RNF150: variants seen among roughly 807,000 people sequenced by gnomAD.
RNF150 encodes the protein ring finger protein 150.
A neutral mutation model predicts 39.3 loss-of-function variants in RNF150; 24 were observed. That is an observed-to-expected ratio of 0.61 (90% CI 0.44 to 0.86). RNF150 has a LOEUF of 0.86. Ranked by LOEUF, RNF150 falls within the 40% of genes least tolerant of loss-of-function variation. The probability of loss-of-function intolerance (pLI) is 0.00; values close to 1 mark genes in which losing one functional copy is unlikely to be tolerated. For synonymous variants in RNF150, 255 were observed against 227.3 expected (o/e 1.12, Z -1.10); for missense variants, 502 against 587.8 (o/e 0.85, Z 1.51).
intron 1 of RNF150, among the ~76,000 whole-genome samples, chr4:141,075,696 T>A (rs933230646): frequency 1.3e-5 from 2 of 152,222 alleles, no homozygotes. Context: ...TTTTTCCATT[T>A]AGTTTCTCAA....
intron 1 of RNF150, among the ~76,000 whole-genome samples, chr4:141,101,067 C>A (rs891282788): frequency 2.0e-5 from 3 of 152,130 alleles, no homozygotes; most frequent in Non-Finnish European, 2.9e-5. Context: ...TTTATAAACA[C>A]TATACACTAT....
At chr4:140,958,329 C>T (rs1015754380) in intron 2 of RNF150, among the ~76,000 whole-genome samples, 3 of 151,990 alleles carry the variant, frequency 2.0e-5, no homozygotes, top group Non-Finnish European at 4.4e-5. Context: ...CTTCTAAAGC[C>T]GGAAAGGGCC....
chr4:141,144,075 A>G (rs996413771), intron 1 of RNF150, among the ~76,000 whole-genome samples: 5 of 152,210 alleles, frequency 3.3e-5, no homozygotes, highest in African/African-American at 1.2e-4. Context: ...TTCAATGCTT[A>G]TCATGGTCTG....
intron 6 of RNF150, among the ~76,000 whole-genome samples, chr4:140,898,792 T>C (rs544779960): frequency 5.3e-5 from 8 of 152,324 alleles, no homozygotes; most frequent in African/African-American, 1.9e-4. Context: ...TAAATAACAG[T>C]GGCAGTACTA....
At chr4:141,011,036 C>A (rs1735056358) in intron 1 of RNF150, among the ~76,000 whole-genome samples, 1 of 151,920 alleles carries the variant, frequency 6.6e-6, no homozygotes. Context: ...TTTAAAAGTG[C>A]TGATTTATAT....
chr4:140,980,379 C>T (rs1242491708), intron 1 of RNF150, among the ~76,000 whole-genome samples: 1 of 151,966 alleles, frequency 6.6e-6, no homozygotes, highest in East Asian at 1.9e-4. Context: ...TGGCAAGAAC[C>T]TAGAATTACA....
At chr4:140,920,969 T>C (rs1486633957) in intron 5 of RNF150, among the ~76,000 whole-genome samples, 2 of 151,632 alleles carry the variant, frequency 1.3e-5, no homozygotes, top group East Asian at 3.9e-4. Context: ...TTCTCACTCA[T>C]AGGTGGGAAT....
upstream of RNF150, among the ~76,000 whole-genome samples, chr4:141,134,445 A>G (rs904689980): frequency 6.6e-6 from 1 of 152,220 alleles, no homozygotes; most frequent in Non-Finnish European, 1.5e-5. Flanking sequence ...CAGAGAACCC[A>G]GGACCCATTC....
chr4:140,898,637 CATGT>C (rs1413201984), intron 6 of RNF150, among the ~76,000 whole-genome samples: 1 of 152,198 alleles, frequency 6.6e-6, no homozygotes, highest in Non-Finnish European at 1.5e-5. Context: ...CATATGCATG[CATGT>C]ATGTGCTTGT....
intron 1 of RNF150, among the ~76,000 whole-genome samples, chr4:141,186,059 G>A (rs978163343): frequency 6.6e-6 from 1 of 152,186 alleles, no homozygotes; most frequent in Admixed American, 6.5e-5. Context: ...ATGAGTTAGG[G>A]AGGAATCCCT....
At chr4:140,956,578 G>A (rs1452655677) in intron 2 of RNF150, among the ~76,000 whole-genome samples, 4 of 152,124 alleles carry the variant, frequency 2.6e-5, no homozygotes, top group Non-Finnish European at 5.9e-5. Flanking sequence ...TTTCTGTATG[G>A]CAGATTCAAC....
intron 6 of RNF150, among the ~76,000 whole-genome samples, chr4:140,895,860 A>T (rs1226444125): frequency 6.6e-6 from 1 of 152,044 alleles, no homozygotes; most frequent in Admixed American, 6.6e-5. Flanking sequence ...TTTTTAAAGA[A>T]TTTTTTTTCT....
chr4:140,932,157 A>T (rs1731671484), intron 4 of RNF150, among the ~76,000 whole-genome samples: 1 of 152,020 alleles, frequency 6.6e-6, no homozygotes, highest in South Asian at 2.1e-4. Flanking sequence ...AGAATCCCAT[A>T]CTCCCAGGCA....
At chr4:141,062,716 G>T (rs1737284981) in intron 1 of RNF150, among the ~76,000 whole-genome samples, 1 of 152,064 alleles carries the variant, frequency 6.6e-6, no homozygotes, top group South Asian at 2.1e-4. Context: ...TACATGTGCA[G>T]GTTTGTCACA....
intron 1 of RNF150, among the ~76,000 whole-genome samples, chr4:141,075,205 C>T (rs997357257): frequency 5.3e-5 from 8 of 152,166 alleles, no homozygotes; most frequent in African/African-American, 1.9e-4. Flanking sequence ...GCTTCATGGA[C>T]CATATTATCT....
intron 6 of RNF150, among the ~76,000 whole-genome samples, chr4:140,898,764 T>C (rs1299896544): frequency 1.8e-5 from 2 of 110,602 alleles, no homozygotes; most frequent in Non-Finnish European, 4.0e-5. Flanking sequence ...TTCTAAGTCC[T>C]ATTTTCTAAC....
chr4:141,138,123 A>G (rs907650095), upstream of RNF150, among the ~76,000 whole-genome samples: 2 of 152,248 alleles, frequency 1.3e-5, no homozygotes, highest in Non-Finnish European at 2.9e-5. Flanking sequence ...TAATGTGCAC[A>G]GCATGTTCAA....
chr4:140,908,193 T>C (rs185499010), intron 6 of RNF150, among the ~76,000 whole-genome samples: 4 of 152,306 alleles, frequency 2.6e-5, no homozygotes, highest in African/African-American at 9.6e-5. Flanking sequence ...CATGCATTTG[T>C]GTTTGTTCAT....
intron 2 of RNF150, among the ~76,000 whole-genome samples, chr4:140,952,214 A>C (rs1394820449): frequency 6.6e-6 from 1 of 151,982 alleles, no homozygotes; most frequent in African/African-American, 2.4e-5. Flanking sequence ...GGGTTTCACT[A>C]CGTTGGCCAG....
Sources: gnomAD v4.1 joint callset for allele counts (sites outside exome capture counted in the v4.1 genomes callset) on GRCh38, gnomAD v4.1.1 for gene constraint, MANE v1.5 for transcripts, NCBI Gene and HGNC (gene_info 2026-07-23, HGNC 2026-07-21) for gene names.